PHYKPL: variants seen among roughly 807,000 people sequenced by gnomAD.
PHYKPL encodes 5-phosphonooxy-L-lysine phospho-lyase.
PHYKPL carries 42 observed loss-of-function variants against 51.3 expected under a neutral mutation model. The observed-to-expected ratio is 0.82, with a 90% CI of 0.64 to 1.06. The LOEUF (loss-of-function observed/expected upper bound fraction) is 1.06, where lower values mean the gene tolerates loss of function less well. PHYKPL is among the 50% of genes least tolerant of loss of function. The probability of loss-of-function intolerance (pLI) is 0.00; values close to 1 mark genes in which losing one functional copy is unlikely to be tolerated. For synonymous variants in PHYKPL, 264 were observed against 236.0 expected (o/e 1.12, Z -1.09); for missense variants, 655 against 586.6 (o/e 1.12, Z -1.20).
downstream of PHYKPL, among the ~76,000 whole-genome samples, chr5:178,207,510 T>C (rs1757123096): frequency 6.6e-6 from 1 of 152,066 alleles, no homozygotes; most frequent in Admixed American, 6.6e-5. Context: ...CACTTAAAGC[T>C]AGAGGTGACA....
rs909095597 is a variant in PHYKPL at position 178,208,744 on chromosome 5, A to T, written c.*203T>A. On this transcript the variant is annotated 3_prime_UTR_variant, in exon 13 of 13. Transcript: ENST00000308158. ...AAAGGAAATTGACTGACTTGAGGGG[A>T]TGCAGACATCTGGGTTATTCCAACA... is the stretch of plus-strand genomic sequence containing the variant. 1 of 152,494 alleles carries T rather than the reference A, an allele frequency of 6.6e-6. No individual in the cohort carries two copies. Among genetic ancestry groups the T allele is most frequent in the African/African-American group, 2.4e-5 (1 of 41,446 alleles). 9.4% of individuals were successfully genotyped at this position (152,494 alleles called of 1,614,324 possible).
chr5:178,232,634 C>T lies in PHYKPL; in HGVS notation c.-84G>A. 3 of 1,221,782 alleles carry T rather than the reference C, an allele frequency of 2.5e-6. No individual in the cohort carries two copies. The highest frequency in any genetic ancestry group is 3.1e-6 in the Non-Finnish European group (3 of 978,506). The allele number at this position is 1,221,782 out of a possible 1,614,324, so 75.7% of individuals were successfully genotyped here. A position where few individuals can be genotyped will look rare whatever the true frequency, so the allele number is the denominator to read the frequency against. ...GGCCTCCAAGGCCCCGCTCCGGGCC[C>T]CGCCCCTGCCTGGGTCGGGATTTGG... is the stretch of plus-strand genomic sequence containing the variant. On this transcript the variant is annotated 5_prime_UTR_variant, in exon 1 of 13. Coordinates refer to ENST00000308158, the MANE Select transcript of PHYKPL (RefSeq NM_153373.4).
intron 6 of PHYKPL, chr5:178,224,215 A>G (rs1761800270): frequency 2.0e-6 from 1 of 497,278 alleles, no homozygotes; most frequent in Non-Finnish European, 3.5e-6. Context: ...ACCCCCTCCA[A>G]GGACCCCGCT....
Position 178,231,473 on chromosome 5 carries a change from G to A in PHYKPL, c.110C>T (p.Ala37Val). Residue 37 changes from alanine (A) to valine (V), a missense_variant, in exon 2 of 13, where the codon GCC becomes GTC. Ala to Val is a moderately conservative substitution (Grantham distance 64). Coordinates refer to ENST00000308158, the MANE Select transcript of PHYKPL (RefSeq NM_153373.4). ...FPEDPVKIVR[A>V]QGQYMYDEQG... ...TTCATCGTACATGTACTGCCCTTGG[G>A]CCCGGACAATCTTAACAGGATCCTC... 1 of 1,614,192 alleles carries A rather than the reference G, an allele frequency of 6.2e-7. No individual in the cohort carries two copies. The highest frequency in any genetic ancestry group is 8.5e-7 in the Non-Finnish European group (1 of 1,180,036).
chr5:178,224,419 C>G, intron 6 of PHYKPL, 29 bp downstream of exon 6: 1 of 1,533,572 alleles, frequency 6.5e-7, no homozygotes, highest in Non-Finnish European at 8.8e-7. Context: ...TCACTGTTGG[C>G]TGGATTGGAC....
At chr5:178,232,316 C>T in intron 1 of PHYKPL, 176 bp downstream of exon 1, 7 of 1,266,148 alleles carry the variant, frequency 5.5e-6, no homozygotes, top group Non-Finnish European at 6.0e-6. Flanking sequence ...CCCAACGGCG[C>T]CGCCCGCCTC....
At position 178,209,253 on chromosome 5, in the gene PHYKPL, G is replaced by C. The variant is rs909721684; in HGVS notation, c.*32-338C>G. On this transcript the variant is annotated intron_variant, in intron 12 of 12. Coordinates refer to ENST00000308158, the MANE Select transcript of PHYKPL (RefSeq NM_153373.4). ...GGACCTGATCCACCATTTGATGTTT[G>C]TCGCAGTGAAGGTGTTTGGGCAGTC... 5.5e-6 allele frequency: 6 copies of C among 1,099,722 alleles called. No homozygotes were observed. The African/African-American group carries it at 9.2e-5, about 17-fold the overall frequency. 68.1% of individuals were successfully genotyped at this position (1,099,722 alleles called of 1,614,324 possible).
intron 11 of PHYKPL, among the ~76,000 whole-genome samples, chr5:178,212,646 A>G (rs1581216809): frequency 6.6e-6 from 1 of 152,198 alleles, no homozygotes; most frequent in East Asian, 1.9e-4. Context: ...GCTGGCGGTA[A>G]TGGGGTCTCA....
Position 178,224,700 on chromosome 5 carries a change from A to AT in PHYKPL, c.442dup (p.Ile148AsnfsTer2). 8.1e-6 allele frequency: 13 copies of AT among 1,614,164 alleles called. No homozygotes were observed. Among genetic ancestry groups the AT allele is most frequent in the Non-Finnish European group, 1.1e-5 (13 of 1,180,018 alleles). On this transcript the variant is annotated frameshift_variant, in exon 5 of 13. Coordinates refer to ENST00000308158, the MANE Select transcript of PHYKPL (RefSeq NM_153373.4). LOFTEE classifies it high-confidence loss of function. Reference sequence around the variant, plus strand: ...GCGGAACTTGTAGGGACTGATGTCAATCAGGGAGCTCAGGTGGCCGTGATA... The same window carrying AT: ...GCGGAACTTGTAGGGACTGATGTCAATTCAGGGAGCTCAGGTGGCCGTGATA...
At position 178,222,931 on chromosome 5, in the gene PHYKPL, C is replaced by T; in HGVS notation, c.622G>A (p.Ala208Thr). 1 of 1,614,026 alleles carries T rather than the reference C, an allele frequency of 6.2e-7. No individual in the cohort carries two copies. The highest frequency in any genetic ancestry group is 8.5e-7 in the Non-Finnish European group (1 of 1,179,974). Residue 208 changes from alanine to threonine, a missense_variant, in exon 7 of 13, where the codon GCA becomes ACA. Coordinates refer to ENST00000308158, the MANE Select transcript of PHYKPL (RefSeq NM_153373.4). ...GGCAGAGACTCAGCGAAGAAGGCTGCAATCTGTGAAGAGATGGACATTGGG... is the reference window on the plus strand; with the variant it reads ...GGCAGAGACTCAGCGAAGAAGGCTGTAATCTGTGAAGAGATGGACATTGGG... The part of the protein sequence containing the change: ...SSAQEKGRKI[A>T]AFFAESLPSV...
rs995123196 is a variant in PHYKPL at position 178,215,540 on chromosome 5, G to A, written c.928-110C>T. On this transcript the variant is annotated intron_variant, in intron 8 of 12. Transcript: ENST00000308158. ...ACGTGTTCCAAGGCCAGTGGCAAGA[G>A]CAGAGGCCCCAAACCCCTTAGGGCG... The A allele has an allele frequency of 1.3e-5, 17 of 1,348,554 alleles. No homozygotes were observed. In the African/African-American group the frequency reaches 2.2e-4, roughly 17 times the overall value. 83.5% of individuals were successfully genotyped at this position (1,348,554 alleles called of 1,614,324 possible). A position where few individuals can be genotyped will look rare whatever the true frequency, so the allele number is the denominator to read the frequency against.
At chr5:178,213,676 G>A (rs2113727175) in intron 10 of PHYKPL, among the ~76,000 whole-genome samples, 1 of 152,304 alleles carries the variant, frequency 6.6e-6, no homozygotes, top group South Asian at 2.1e-4. Flanking sequence ...TGAGGGGTCT[G>A]CATGATTGTG....
chr5:178,231,469 T>C lies in PHYKPL; in HGVS notation c.114A>G (p.Gln38=). 6.2e-7 allele frequency: 1 copy of C among 1,614,186 alleles called. No homozygotes were observed. The highest frequency in any genetic ancestry group is 8.5e-7 in the Non-Finnish European group (1 of 1,180,032). ...CCTGTTCATCGTACATGTACTGCCC[T>C]TGGGCCCGGACAATCTTAACAGGAT... ...PEDPVKIVRA[Q]GQYMYDEQGA... is the part of the protein sequence containing the mutation. Residue 38 remains glutamine (Q), a synonymous_variant, in exon 2 of 13, where the codon CAA becomes CAG. Coordinates refer to ENST00000308158, the MANE Select transcript of PHYKPL (RefSeq NM_153373.4).
chr5:178,207,824 T>C (rs1317605431), downstream of PHYKPL, among the ~76,000 whole-genome samples: 1 of 149,994 alleles, frequency 6.7e-6, no homozygotes, highest in Non-Finnish European at 1.5e-5. Flanking sequence ...CATCTCAGCC[T>C]CTCGAGTAGC....
downstream of PHYKPL, among the ~76,000 whole-genome samples, chr5:178,207,955 G>T (rs1052624112): frequency 6.6e-6 from 1 of 152,070 alleles, no homozygotes; most frequent in Admixed American, 6.6e-5. Context: ...GGGATTACAG[G>T]CATGAACTGC....
At position 178,231,256 on chromosome 5, in the gene PHYKPL, T is replaced by C. The variant is rs1032427213; in HGVS notation, c.178+149A>G. 16 of 1,323,360 alleles carry C rather than the reference T, an allele frequency of 1.2e-5. No individual in the cohort carries two copies. In the African/African-American group the frequency reaches 1.5e-4, roughly 12 times the overall value. The allele number at this position is 1,323,360 out of a possible 1,614,324, so 82.0% of individuals were successfully genotyped here. A position where few individuals can be genotyped will look rare whatever the true frequency, so the allele number is the denominator to read the frequency against. The stretch of plus-strand genomic sequence containing the variant: ...CAGATTGCAGAATTCCACAGCTATA[T>C]TGCGAAGGCTGAGCCTCCTCTGCAT... On this transcript the variant is annotated intron_variant, in intron 2 of 12. Transcript: ENST00000308158.
At chr5:178,228,898 G>A (rs1298744942) in intron 3 of PHYKPL, among the ~76,000 whole-genome samples, 4 of 152,094 alleles carry the variant, frequency 2.6e-5, no homozygotes, top group Admixed American at 1.3e-4. Context: ...ATGCTCTTAG[G>A]ATAAAGACAG....
At chr5:178,210,688 T>C (rs1758000852) in intron 12 of PHYKPL, 1 of 1,282,332 alleles carries the variant, frequency 7.8e-7, no homozygotes, top group Non-Finnish European at 1.1e-6. Flanking sequence ...TGAACACAAT[T>C]ATGTACCAAA....
intron 2 of PHYKPL, 189 bp from the exon 3 acceptor site, chr5:178,230,288 G>A (rs550280197): frequency 7.0e-5 from 45 of 644,228 alleles, no homozygotes; most frequent in African/African-American, 6.6e-4. Flanking sequence ...AGGAGTTCCT[G>A]AGATTCTGGC....
Sources: allele counts gnomAD v4.1 joint callset (sites outside exome capture counted in the v4.1 genomes callset), GRCh38; gene constraint gnomAD v4.1.1; transcripts MANE v1.5; gene names NCBI Gene and HGNC (gene_info 2026-07-23, HGNC 2026-07-21).